CYP26B1: variants seen among roughly 807,000 people sequenced by gnomAD.
The protein encoded by CYP26B1 is cytochrome P450 26B1.
In CYP26B1, 8 loss-of-function variants were observed where a neutral mutation model predicts 39.1. The observed-to-expected ratio is 0.20, with a 90% confidence interval of 0.12 to 0.37. CYP26B1 has a LOEUF of 0.37. Ranked by LOEUF, CYP26B1 falls within the 10% of genes least tolerant of loss-of-function variation. The pLI, the probability that CYP26B1 is intolerant of heterozygous loss-of-function variation, is 1.00. For missense variants in CYP26B1, 615 were observed against 707.0 expected (o/e 0.87, Z 1.48); for synonymous variants, 321 against 314.3 (o/e 1.02, Z -0.23).
Position 72,135,339 on chromosome 2 carries a change from G to A in CYP26B1, c.510C>T (p.Arg170=), listed in dbSNP as rs145145054. The A allele has an allele frequency of 5.0e-5, 81 of 1,613,964 alleles. 1 individual carries two copies. Among genetic ancestry groups the A allele is most frequent in the Middle Eastern group, 1.7e-4 (1 of 6,058 alleles). The change falls in exon 3 of 6, where the codon CGC becomes CGT. Residue 170 remains arginine (R), a synonymous_variant. Coordinates refer to ENST00000001146, the MANE Select transcript of CYP26B1 (RefSeq NM_019885.4). ...TGGCCTCGGGGTGGCTGCTCCAGGC[G>A]CGCAGTGTGTCCTGGATCACCAGCT... ...KIQLVIQDTL[R]AWSSHPEAIN...
At position 72,132,664 on chromosome 2, in the gene CYP26B1, G is replaced by A. The variant is rs764234100; in HGVS notation, c.1147-45C>T. 6 of 1,559,476 alleles carry A rather than the reference G, an allele frequency of 3.8e-6. No homozygotes were observed. The South Asian group carries it at 7.1e-5, about 18-fold the overall frequency. On this transcript the variant is annotated intron_variant, in intron 5 of 5. Transcript: ENST00000001146. Reference sequence around the variant, plus strand: ...GAGGAGTGGGTGGTGAGAGCCAGAGGAGCCCACAGAGGGCCCAGGACTGCC... The same window carrying A: ...GAGGAGTGGGTGGTGAGAGCCAGAGAAGCCCACAGAGGGCCCAGGACTGCC...
At position 72,147,785 on chromosome 2, in the gene CYP26B1, G is replaced by A; in HGVS notation, c.50C>T (p.Ala17Val). The change falls in exon 1 of 6, where the codon GCG (alanine) becomes GTG (valine). Residue 17 changes from alanine (A) to valine (V), a missense_variant. Coordinates refer to ENST00000001146, the MANE Select transcript of CYP26B1 (RefSeq NM_019885.4). The surrounding 1 kb of genome is among the most constrained non-coding windows in gnomAD (Gnocchi z 6.1). ...CAGCAGCGTCACGGACACCAGGCAC[G>A]CGGCGAGGGTGGCCAGCGCCGACAC... ...DLVSALATLA[A>V]CLVSVTLLLA... The A allele has an allele frequency of 6.4e-7, 1 of 1,566,212 alleles. No individual in the cohort carries two copies. The highest frequency in any genetic ancestry group is 8.6e-7 in the Non-Finnish European group (1 of 1,156,640).
chr2:72,134,602 C>G (rs558603923), intron 4 of CYP26B1, among the ~76,000 whole-genome samples, 159 bp downstream of exon 4: 2 of 152,202 alleles, frequency 1.3e-5, no homozygotes, highest in African/African-American at 2.4e-5. Context: ...GGGACACAGA[C>G]TTCGCTTCCA....
intron 2 of CYP26B1, among the ~76,000 whole-genome samples, chr2:72,137,525 T>A (rs879912193): frequency 9.6e-5 from 1 of 10,456 alleles, no homozygotes; most frequent in Non-Finnish European, 1.6e-4. Flanking sequence ...ACACCCCACG[T>A]GGGCCATAGT....
rs1676482757 is a variant in CYP26B1, at chr2:72,129,349, TAC to T, written c.*2876_*2877del. ...TTAATATGCAACATGGAATATTATA[TAC>T]AGATTAAAACCACGACAGCAAAAAC... On this transcript the variant is annotated 3_prime_UTR_variant, in exon 6 of 6. Coordinates refer to ENST00000001146, the MANE Select transcript of CYP26B1 (RefSeq NM_019885.4). 1 of 152,596 alleles carries T rather than the reference TAC, an allele frequency of 6.6e-6. No homozygotes were observed. The highest frequency in any genetic ancestry group is 2.4e-5 in the African/African-American group (1 of 41,434). The allele number at this position is 152,596 out of a possible 1,614,324, so 9.5% of individuals were successfully genotyped here. A position where few individuals can be genotyped will look rare whatever the true frequency, so the allele number is the denominator to read the frequency against.
chr2:72,133,743 G>T (rs548429075), intron 4 of CYP26B1, among the ~76,000 whole-genome samples: 1 of 152,342 alleles, frequency 6.6e-6, no homozygotes, highest in East Asian at 1.9e-4. Flanking sequence ...CACTCCCAGT[G>T]CCAGCCCCTT....
intron 1 of CYP26B1, chr2:72,144,420 A>G: frequency 7.3e-7 from 1 of 1,366,842 alleles, no homozygotes; most frequent in South Asian, 2.1e-5. Context: ...TAATGCAAGG[A>G]GGCGGAGGCC....
At chr2:72,136,379 G>A (rs1676777343) in intron 2 of CYP26B1, among the ~76,000 whole-genome samples, 1 of 152,172 alleles carries the variant, frequency 6.6e-6, no homozygotes, top group South Asian at 2.1e-4. Context: ...AACTGTAAAT[G>A]TGAGAATTTC....
intron 1 of CYP26B1, among the ~76,000 whole-genome samples, chr2:72,146,843 G>A (rs1373659623): frequency 6.6e-6 from 1 of 152,144 alleles, no homozygotes; most frequent in African/African-American, 2.4e-5. Context: ...ACCTACCTGG[G>A]TCTGGTCCCT....
At chr2:72,145,627 CCTT>C (rs1209386992) in intron 1 of CYP26B1, among the ~76,000 whole-genome samples, 5 of 152,244 alleles carry the variant, frequency 3.3e-5, no homozygotes, top group African/African-American at 9.6e-5. Context: ...TCTTTCCTCT[CCTT>C]CTTTTCCTCT....
Position 72,132,053 on chromosome 2 carries a change from C to T in CYP26B1, c.*174G>A. On this transcript the variant is annotated 3_prime_UTR_variant, in exon 6 of 6. Coordinates refer to ENST00000001146, the MANE Select transcript of CYP26B1 (RefSeq NM_019885.4). ...CTGGAGCCAGAAGGGGAGCCCAGCC[C>T]TAGGAATGGGGCCCACTGGCTTTGG... The T allele has an allele frequency of 1.4e-6, 1 of 709,322 alleles. No individual in the cohort carries two copies. Among genetic ancestry groups the T allele is most frequent in the Non-Finnish European group, 2.3e-6 (1 of 434,180 alleles). 43.9% of individuals were successfully genotyped at this position (709,322 alleles called of 1,614,324 possible).
chr2:72,133,078 A>G lies in CYP26B1; in HGVS notation c.1091T>C (p.Leu364Pro), dbSNP rs1676642369. ...LDCVIKEVMR[L>P]FTPISGGYRT... ...GTAGCCGCCGGAAATGGGCGTGAAC[A>G]GGCGCATGACCTCCTTGATGACGCA... The change falls in exon 5 of 6, where the codon CTG becomes CCG. Residue 364 changes from leucine to proline, a missense_variant. Coordinates refer to ENST00000001146, the MANE Select transcript of CYP26B1 (RefSeq NM_019885.4). 6.2e-7 allele frequency: 1 copy of G among 1,613,122 alleles called. No individual in the cohort carries two copies. Among genetic ancestry groups the G allele is most frequent in the African/African-American group, 1.3e-5 (1 of 74,946 alleles).
intron 2 of CYP26B1, among the ~76,000 whole-genome samples, chr2:72,141,839 C>A (rs1484372101): frequency 6.6e-6 from 1 of 152,186 alleles, no homozygotes; most frequent in African/African-American, 2.4e-5. Flanking sequence ...GGGGAAGGAT[C>A]CTTTCATCTG....
Position 72,147,621 on chromosome 2 carries a change from G to A in CYP26B1, c.204+10C>T, listed in dbSNP as rs752678079. Reference sequence around the variant, plus strand: ...GACCCCGGAGTGCAGCGGAGCGAGCGCGCCCTTACCTGCAGCAGCCAGTGG... The same window carrying A: ...GACCCCGGAGTGCAGCGGAGCGAGCACGCCCTTACCTGCAGCAGCCAGTGG... On this transcript the variant is annotated intron_variant, in intron 1 of 5. Transcript: ENST00000001146. The surrounding 1 kb of genome is among the most constrained non-coding windows in gnomAD (Gnocchi z 6.1). The A allele has an allele frequency of 2.5e-6, 4 of 1,605,118 alleles. No homozygotes were observed. The highest frequency in any genetic ancestry group is 2.2e-5 in the South Asian group (2 of 89,522).
At chr2:72,144,624 G>C (rs1677065687) in intron 1 of CYP26B1, 1 of 376,792 alleles carries the variant, frequency 2.7e-6, no homozygotes, top group Admixed American at 6.5e-5. Context: ...CGGGGTGGCC[G>C]CAGGCCAAAG....
intron 4 of CYP26B1, 125 bp downstream of exon 4, chr2:72,134,636 T>A (rs1676701197): frequency 6.9e-7 from 1 of 1,449,236 alleles, no homozygotes; most frequent in Admixed American, 2.0e-5. Flanking sequence ...CAGCCACTGC[T>A]CAGAAAGCAT....
intron 2 of CYP26B1, among the ~76,000 whole-genome samples, chr2:72,138,711 C>T (rs1441793184): frequency 6.6e-6 from 1 of 152,090 alleles, no homozygotes; most frequent in African/African-American, 2.4e-5. Context: ...AGCGCATGTC[C>T]AGGTTTACCT....
chr2:72,132,942 A>C, intron 5 of CYP26B1, 81 bp downstream of exon 5: 1 of 1,597,140 alleles, frequency 6.3e-7, no homozygotes, highest in Admixed American at 1.7e-5. Flanking sequence ...AGTCCCTGAA[A>C]TGGAGGCTGG....
Position 72,129,836 on chromosome 2 carries a change from A to ACAAACACACACG in CYP26B1, c.*2390_*2391insCGTGTGTGTTTG, listed in dbSNP as rs1676507141. ...CCATCTAATGCTAGCTGTATGAAACACACACGCACACGCACAGACACGGGC... is the reference window on the plus strand; with the variant it reads ...CCATCTAATGCTAGCTGTATGAAACACAAACACACACGCACACGCACACGCACAGACACGGGC... On this transcript the variant is annotated 3_prime_UTR_variant, in exon 6 of 6. Coordinates refer to ENST00000001146, the MANE Select transcript of CYP26B1 (RefSeq NM_019885.4). 6.6e-6 allele frequency: 1 copy of ACAAACACACACG among 151,586 alleles called. No individual in the cohort carries two copies. The highest frequency in any genetic ancestry group is 1.5e-5 in the Non-Finnish European group (1 of 67,934). 9.4% of individuals were successfully genotyped at this position (151,586 alleles called of 1,614,324 possible).
Sources: allele counts gnomAD v4.1 joint callset (sites outside exome capture counted in the v4.1 genomes callset), GRCh38; gene constraint gnomAD v4.1.1; non-coding constraint Gnocchi (gnomAD v3.1); transcripts MANE v1.5; gene names NCBI Gene and HGNC (gene_info 2026-07-23, HGNC 2026-07-21).